The following DMBX1 variants were observed in gnomAD, a reference collection of about 807,000 sequenced individuals.
DMBX1 encodes diencephalon/mesencephalon homeobox protein 1.
A neutral mutation model predicts 30.4 loss-of-function variants in DMBX1; 7 were observed. That is an observed-to-expected ratio of 0.23 (90% CI 0.13 to 0.43). The LOEUF (loss-of-function observed/expected upper bound fraction) is 0.43, where lower values mean the gene tolerates loss of function less well. DMBX1 is among the 20% of genes least tolerant of loss of function. The pLI is 1.00. For missense variants in DMBX1, 460 were observed against 508.5 expected (o/e 0.90, Z 0.92); for synonymous variants, 222 against 214.2 (o/e 1.04, Z -0.32).
chr1:46,494,073 G>T (rs1167159047), intron 2 of DMBX1, among the ~76,000 whole-genome samples: 3 of 152,192 alleles, frequency 2.0e-5, no homozygotes, highest in Admixed American at 6.5e-5. Context: ...TCTCGGCTCC[G>T]CCCAAGTCTC....
At chr1:46,494,749 A>G (rs1437625793) in intron 2 of DMBX1, among the ~76,000 whole-genome samples, 1 of 152,178 alleles carries the variant, frequency 6.6e-6, no homozygotes, top group Non-Finnish European at 1.5e-5. Flanking sequence ...CATACTTCCA[A>G]GCCCACCTGC....
intron 2 of DMBX1, among the ~76,000 whole-genome samples, chr1:46,498,299 G>A (rs560116144): frequency 1.3e-5 from 2 of 152,324 alleles, no homozygotes; most frequent in South Asian, 2.1e-4. Flanking sequence ...CTGGGCTGTG[G>A]TGGTCCTGCC....
chr1:46,512,157 G>C lies in DMBX1; in HGVS notation c.797G>C (p.Arg266Pro). ...LSLFRLQEQF[R>P]QHMAATNNLV... ...CTCTTCCGTCTGCAGGAGCAATTCC[G>C]CCAGCACATGGCGGCCACCAACAAC... Residue 266 changes from arginine (R) to proline (P), a missense_variant, in exon 6 of 6, where the codon CGC (arginine) becomes CCC (proline). This residue lies in a region of DMBX1 where 334 missense variants were observed against 345.1 expected (regional missense o/e 0.97). Coordinates refer to ENST00000360032, the MANE Select transcript of DMBX1 (RefSeq NM_172225.2). This position sits in a 1 kb window ranked among gnomAD's most constrained non-coding sequence, Gnocchi z 4.8. 6.2e-7 allele frequency: 1 copy of C among 1,613,994 alleles called. No individual in the cohort carries two copies. Among genetic ancestry groups the C allele is most frequent in the Non-Finnish European group, 8.5e-7 (1 of 1,179,976 alleles).
At chr1:46,511,891 A>AGGG (rs531868300) in intron 5 of DMBX1, 152 bp from the exon 6 acceptor site, 12,022 of 816,188 alleles carry the variant, frequency 0.015, 130 homozygotes, top group Non-Finnish European at 0.019. Context: ...GCCTTGCTTC[A>AGGG]GGGGATGCTC....
intron 5 of DMBX1, among the ~76,000 whole-genome samples, 183 bp from the exon 6 acceptor site, chr1:46,511,860 C>T (rs1025205341): frequency 7.2e-5 from 11 of 152,160 alleles, no homozygotes; most frequent in Non-Finnish European, 1.3e-4. Context: ...AAGCCTGGGT[C>T]CCTTTCTCCT....
At chr1:46,494,509 A>G (rs1189653198) in intron 2 of DMBX1, among the ~76,000 whole-genome samples, 1 of 152,128 alleles carries the variant, frequency 6.6e-6, no homozygotes, top group Non-Finnish European at 1.5e-5. Context: ...AATGGATAAC[A>G]GTTTGTATAG....
At chr1:46,501,254 C>CTT (rs1470408988) in intron 2 of DMBX1, among the ~76,000 whole-genome samples, 1 of 133,008 alleles carries the variant, frequency 7.5e-6, no homozygotes, top group South Asian at 2.5e-4. Context: ...TTCTTTCTTT[C>CTT]TTTCTTTCTT....
Position 46,491,253 on chromosome 1 carries a change from G to C in DMBX1, c.-13+470G>C, listed in dbSNP as rs973021608. Reference sequence around the variant, plus strand: ...TGGGCTCCTCAGGCTTGTGATTTGCGGCAGGAAGGAGTCCCGGAATGGAAG... The same window carrying C: ...TGGGCTCCTCAGGCTTGTGATTTGCCGCAGGAAGGAGTCCCGGAATGGAAG... On this transcript the variant is annotated intron_variant, in intron 2 of 5. Coordinates refer to ENST00000360032, the MANE Select transcript of DMBX1 (RefSeq NM_172225.2). The surrounding 1 kb of genome is among the most constrained non-coding windows in gnomAD (Gnocchi z 5.5). 2.0e-5 allele frequency among the ~76,000 whole-genome samples: 3 copies of C among 152,158 alleles called. No individual in the cohort carries two copies. The highest frequency in any genetic ancestry group is 1.3e-4 in the Admixed American group (2 of 15,282).
At position 46,510,677 on chromosome 1, in the gene DMBX1, A is replaced by T; in HGVS notation, c.333+23A>T. On this transcript the variant is annotated intron_variant, in intron 4 of 5. Transcript: ENST00000360032. This position sits in a 1 kb window ranked among gnomAD's most constrained non-coding sequence, Gnocchi z 4.1. ...CAGGTAGGGCCCAACTCTCCTAACTAGGCCTTGCAGACAAACACCAGCCCA... is the reference window on the plus strand; with the variant it reads ...CAGGTAGGGCCCAACTCTCCTAACTTGGCCTTGCAGACAAACACCAGCCCA... The T allele has an allele frequency of 7.5e-6, 12 of 1,604,990 alleles. No individual in the cohort carries two copies. Among genetic ancestry groups the T allele is most frequent in the Non-Finnish European group, 9.4e-6 (11 of 1,175,026 alleles).
chr1:46,503,382 T>A (rs998575027), intron 2 of DMBX1, among the ~76,000 whole-genome samples: 1 of 152,272 alleles, frequency 6.6e-6, no homozygotes, highest in Admixed American at 6.5e-5. Context: ...TATACATCCC[T>A]CTATCCAGGA....
In DMBX1 at chr1:46,513,695, G is replaced by C. The variant is rs764590910; in HGVS notation, c.*1201G>C. 3 of 152,340 alleles carry C rather than the reference G, an allele frequency of 2.0e-5. No homozygotes were observed. Among genetic ancestry groups the C allele is most frequent in the South Asian group, 4.1e-4 (2 of 4,830 alleles). The allele number at this position is 152,340 out of a possible 1,614,324, so 9.4% of individuals were successfully genotyped here. A position where few individuals can be genotyped will look rare whatever the true frequency, so the allele number is the denominator to read the frequency against. ...CTTCTCCCACAAGCTGAGCCTCCACGTTCAGCAGATACTGTCCAAGGCAGG... is the reference window on the plus strand; with the variant it reads ...CTTCTCCCACAAGCTGAGCCTCCACCTTCAGCAGATACTGTCCAAGGCAGG... On this transcript the variant is annotated 3_prime_UTR_variant, in exon 6 of 6. Transcript: ENST00000360032.
Position 46,511,229 on chromosome 1 carries a change from A to T in DMBX1, c.628A>T (p.Ser210Cys), listed in dbSNP as rs373602097. The change falls in exon 5 of 6, where the codon AGC becomes TGC. Residue 210 changes from serine to cysteine, a missense_variant. Ser to Cys is a moderately radical substitution (Grantham distance 112, BLOSUM62 -1). Around this residue, in one of 3 missense-constraint regions of DMBX1, gnomAD observed 334 missense variants for 345.1 expected, o/e 0.97. Coordinates refer to ENST00000360032, the MANE Select transcript of DMBX1 (RefSeq NM_172225.2). ...GGCTGAGGACCCCAAAGCTGAGAAG[A>T]GCCCTGGGGCTGACAGCAAGGGGCT... ...AGAEDPKAEK[S>C]PGADSKGLGC... 9.5e-5 allele frequency: 153 copies of T among 1,611,828 alleles called. No individual in the cohort carries two copies. The Middle Eastern group carries it at 9.9e-4, about 10-fold the overall frequency.
Position 46,491,184 on chromosome 1 carries a change from C to T in DMBX1, c.-13+401C>T, listed in dbSNP as rs1665923218. 6.6e-6 allele frequency among the ~76,000 whole-genome samples: 1 copy of T among 152,204 alleles called. No individual in the cohort carries two copies. Among genetic ancestry groups the T allele is most frequent in the Non-Finnish European group, 1.5e-5 (1 of 68,040 alleles). On this transcript the variant is annotated intron_variant, in intron 2 of 5. Transcript: ENST00000360032. The surrounding 1 kb of genome is among the most constrained non-coding windows in gnomAD (Gnocchi z 5.5). ...CCCAAATTCGCACCAAATCTGGGGC[C>T]CCGACTTTTCCTGGATTCCAGCCAC...
chr1:46,511,490 G>T (rs1053025710), intron 5 of DMBX1, among the ~76,000 whole-genome samples: 2 of 152,202 alleles, frequency 1.3e-5, no homozygotes, highest in Non-Finnish European at 2.9e-5. Flanking sequence ...GGGTAGCAGG[G>T]GTGGGATACT....
In DMBX1 at chr1:46,491,262, G is replaced by C. The variant is rs1665924607; in HGVS notation, c.-13+479G>C. 6.6e-6 allele frequency among the ~76,000 whole-genome samples: 1 copy of C among 152,186 alleles called. No individual in the cohort carries two copies. The highest frequency in any genetic ancestry group is 2.4e-5 in the African/African-American group (1 of 41,446). On this transcript the variant is annotated intron_variant, in intron 2 of 5. Transcript: ENST00000360032. The surrounding 1 kb of genome is among the most constrained non-coding windows in gnomAD (Gnocchi z 5.5). ...CAGGCTTGTGATTTGCGGCAGGAAG[G>C]AGTCCCGGAATGGAAGAACGGGGAG...
At chr1:46,502,460 TC>T (rs1182387008) in intron 2 of DMBX1, among the ~76,000 whole-genome samples, 2 of 152,062 alleles carry the variant, frequency 1.3e-5, no homozygotes, top group Admixed American at 1.3e-4. Context: ...TTTCGGCACC[TC>T]CTCCCACTCT....
intron 2 of DMBX1, among the ~76,000 whole-genome samples, chr1:46,503,209 A>G (rs1317532992): frequency 2.0e-5 from 3 of 152,220 alleles, no homozygotes; most frequent in Non-Finnish European, 4.4e-5. Context: ...AGAGCTCCAC[A>G]TGGCTGACTT....
chr1:46,505,848 CTG>C (rs1215574230), intron 2 of DMBX1, among the ~76,000 whole-genome samples: 1 of 151,120 alleles, frequency 6.6e-6, no homozygotes, highest in African/African-American at 2.4e-5. Flanking sequence ...CCTGGACTGG[CTG>C]TGTGGCCTCA....
intron 2 of DMBX1, among the ~76,000 whole-genome samples, chr1:46,494,435 C>T (rs1311371477): frequency 6.6e-6 from 1 of 152,222 alleles, no homozygotes; most frequent in Non-Finnish European, 1.5e-5. Context: ...CTGCGGGGGG[C>T]TAATTACCCC....
Sources: gnomAD v4.1 joint callset for allele counts (sites outside exome capture counted in the v4.1 genomes callset) on GRCh38, gnomAD v4.1.1 for gene constraint, gnomAD v4.1.1 regional missense constraint, Gnocchi (gnomAD v3.1) non-coding constraint, MANE v1.5 for transcripts, NCBI Gene and HGNC (gene_info 2026-07-23, HGNC 2026-07-21) for gene names.